Variants in MGAT4C observed in about 807,000 individuals in gnomAD.
MGAT4C encodes alpha-1,3-mannosyl-glycoprotein 4-beta-N-acetylglucosaminyltransferase C.
MGAT4C carries 19 observed loss-of-function variants against 40.1 expected under a neutral mutation model. That is an observed-to-expected ratio of 0.47 (90% confidence interval 0.33 to 0.70). The LOEUF (loss-of-function observed/expected upper bound fraction) is 0.70, where lower values mean the gene tolerates loss of function less well. Ranked by LOEUF, MGAT4C falls within the 30% of genes least tolerant of loss-of-function variation. The pLI, the probability that MGAT4C is intolerant of heterozygous loss-of-function variation, is 0.02. For missense variants in MGAT4C, 491 were observed against 563.2 expected, an observed-to-expected ratio of 0.87 and a Z score of 1.30; for synonymous variants, 181 against 187.1, an observed-to-expected ratio of 0.97 and a Z score of 0.27.
At chr12:86,010,570 C>G (rs577809736) in intron 2 of MGAT4C, among the ~76,000 whole-genome samples, 101 of 152,206 alleles carry the variant, frequency 6.6e-4, no homozygotes, top group Non-Finnish European at 1.3e-3. Flanking sequence ...CTCAGTTACT[C>G]AGGAGGCTGA....
At chr12:86,093,784 C>A (rs1456962281) in intron 1 of MGAT4C, among the ~76,000 whole-genome samples, 2 of 150,912 alleles carry the variant, frequency 1.3e-5, no homozygotes, top group Non-Finnish European at 3.0e-5. Context: ...ACCTACAAGG[C>A]CCTTTTAAAT....
At chr12:86,633,933 A>G (rs1008355249) in intron 2 of MGAT4C, among the ~76,000 whole-genome samples, 27 of 152,084 alleles carry the variant, frequency 1.8e-4, no homozygotes, top group African/African-American at 5.8e-4. Flanking sequence ...TATTATCGCA[A>G]TGGGCAACAG....
At chr12:86,688,841 A>G (rs1950122158) in intron 2 of MGAT4C, among the ~76,000 whole-genome samples, 1 of 152,112 alleles carries the variant, frequency 6.6e-6, no homozygotes, top group Non-Finnish European at 1.5e-5. Context: ...ATTCTTCTCA[A>G]GGAGTATCTT....
chr12:86,492,674 G>T (rs1958161449), intron 2 of MGAT4C, among the ~76,000 whole-genome samples: 1 of 151,992 alleles, frequency 6.6e-6, no homozygotes. Context: ...TTAAACGTTA[G>T]ACCTAAAACC....
At chr12:86,171,679 G>A (rs918649741) in intron 1 of MGAT4C, among the ~76,000 whole-genome samples, 1 of 151,996 alleles carries the variant, frequency 6.6e-6, no homozygotes, top group African/African-American at 2.4e-5. Flanking sequence ...TTTACTTTAC[G>A]GTGTGGCTTC....
At chr12:86,526,571 T>TGCAGGAGTGGCAAGGCTGGAGCC (rs1363084414) in intron 2 of MGAT4C, among the ~76,000 whole-genome samples, 1 of 152,110 alleles carries the variant, frequency 6.6e-6, no homozygotes, top group Non-Finnish European at 1.5e-5. Context: ...CTGCCCTGCA[T>TGCAGGAGTGGCAAGGCTGGAGCC]GCAGGAGTGG....
chr12:86,070,093 T>A (rs958742600), intron 1 of MGAT4C, among the ~76,000 whole-genome samples: 1 of 151,970 alleles, frequency 6.6e-6, no homozygotes, highest in African/African-American at 2.4e-5. Context: ...CATTGGATTT[T>A]TTTTTTTTTT....
At chr12:85,984,441 T>G (rs1884989788) in intron 3 of MGAT4C, among the ~76,000 whole-genome samples, 1 of 152,162 alleles carries the variant, frequency 6.6e-6, no homozygotes, top group African/African-American at 2.4e-5. Context: ...TTTAGATCCC[T>G]TTTATTTATT....
chr12:86,231,330 G>A (rs1951314773), intron 1 of MGAT4C, among the ~76,000 whole-genome samples: 1 of 152,070 alleles, frequency 6.6e-6, no homozygotes, highest in Admixed American at 6.6e-5. Context: ...TTCTTTTTAT[G>A]AATTCTCAAT....
At chr12:86,442,903 G>A (rs1365620327) in intron 2 of MGAT4C, among the ~76,000 whole-genome samples, 2 of 152,046 alleles carry the variant, frequency 1.3e-5, no homozygotes, top group Non-Finnish European at 2.9e-5. Flanking sequence ...ATTGAGGTAA[G>A]ACCCTCCTCC....
At chr12:86,657,282 G>A (rs545323049) in intron 2 of MGAT4C, among the ~76,000 whole-genome samples, 2 of 151,948 alleles carry the variant, frequency 1.3e-5, no homozygotes, top group East Asian at 3.9e-4. Flanking sequence ...AAAAAGTAAT[G>A]GGCTTTTTCT....
At chr12:86,174,282 T>C (rs759565748) in intron 1 of MGAT4C, among the ~76,000 whole-genome samples, 17 of 152,060 alleles carry the variant, frequency 1.1e-4, no homozygotes, top group Non-Finnish European at 2.2e-4. Context: ...TTCCTATTTT[T>C]TTGCAAGACA....
chr12:86,123,126 A>G (rs1286297829), intron 1 of MGAT4C, among the ~76,000 whole-genome samples: 1 of 152,138 alleles, frequency 6.6e-6, no homozygotes. Context: ...CCTCCCAGAA[A>G]TTACTTTCCA....
intron 4 of MGAT4C, among the ~76,000 whole-genome samples, chr12:86,318,964 G>A (rs1334063601): frequency 2.0e-5 from 3 of 152,078 alleles, no homozygotes; most frequent in Non-Finnish European, 4.4e-5. Flanking sequence ...TAAAGTCTAT[G>A]CTTTTTCCCA....
At chr12:86,780,644 A>G (rs1389186038) in intron 1 of MGAT4C, among the ~76,000 whole-genome samples, 1 of 152,196 alleles carries the variant, frequency 6.6e-6, no homozygotes, top group East Asian at 1.9e-4. Flanking sequence ...TACAGCCTAC[A>G]GTTCTACGAA....
chr12:86,529,917 C>T (rs1444439701), intron 2 of MGAT4C, among the ~76,000 whole-genome samples: 2 of 151,962 alleles, frequency 1.3e-5, no homozygotes, highest in African/African-American at 4.8e-5. Context: ...CATCCTCTCA[C>T]ATACCTTAAA....
At chr12:86,140,951 C>T (rs1187287591) in intron 1 of MGAT4C, among the ~76,000 whole-genome samples, 3 of 152,128 alleles carry the variant, frequency 2.0e-5, no homozygotes, top group African/African-American at 4.8e-5. Flanking sequence ...GTATGCTTTT[C>T]CCTGCCATTG....
intron 2 of MGAT4C, among the ~76,000 whole-genome samples, chr12:86,473,041 C>T (rs967610392): frequency 7.2e-5 from 11 of 152,030 alleles, no homozygotes; most frequent in Non-Finnish European, 1.2e-4. Flanking sequence ...CTGCATCCTC[C>T]GCCTCCCAGG....
intron 1 of MGAT4C, among the ~76,000 whole-genome samples, chr12:86,750,931 T>C (rs560844972): frequency 6.6e-6 from 1 of 152,070 alleles, no homozygotes; most frequent in East Asian, 1.9e-4. Flanking sequence ...GAGTATGGCC[T>C]GGTCAGCCAG....
Sources: gnomAD v4.1 joint callset for allele counts (sites outside exome capture counted in the v4.1 genomes callset) on GRCh38, gnomAD v4.1.1 for gene constraint, MANE v1.5 for transcripts, NCBI Gene and HGNC (gene_info 2026-07-23, HGNC 2026-07-21) for gene names.